The following KLHL3 variants were observed in gnomAD, a reference collection of about 807,000 sequenced individuals.
KLHL3 encodes kelch-like protein 3.
Under a neutral mutation model 70.5 loss-of-function variants are expected in KLHL3, and 19 were observed. The ratio of observed to expected loss-of-function variants is 0.27; its 90% CI spans 0.19 to 0.40. The LOEUF (loss-of-function observed/expected upper bound fraction) is 0.40. Among genes scored for constraint, KLHL3 ranks in the 10% least tolerant of loss-of-function variants. KLHL3 has a pLI of 1.00. For missense variants in KLHL3, 512 were observed against 771.1 expected (o/e 0.66, Z 3.98); for synonymous variants, 258 against 290.3 (o/e 0.89, Z 1.13).
At chr5:137,693,620 GA>G (rs1378099043) in intron 4 of KLHL3, among the ~76,000 whole-genome samples, 2 of 151,856 alleles carry the variant, frequency 1.3e-5, no homozygotes, top group Admixed American at 1.3e-4. Flanking sequence ...AAGAAATTTA[GA>G]AAAAAAATCA....
At chr5:137,623,689 A>G (rs1286488820) in intron 14 of KLHL3, among the ~76,000 whole-genome samples, 2 of 152,218 alleles carry the variant, frequency 1.3e-5, no homozygotes, top group African/African-American at 4.8e-5. Context: ...AATAATCACA[A>G]TCATTTACTG....
At chr5:137,654,619 G>A (rs1210166605) in intron 8 of KLHL3, among the ~76,000 whole-genome samples, 1 of 152,184 alleles carries the variant, frequency 6.6e-6, no homozygotes, top group Non-Finnish European at 1.5e-5. Context: ...AGTTTAAGAA[G>A]CACGTTAGAC....
chr5:137,672,237 G>A (rs1051529643), intron 6 of KLHL3, among the ~76,000 whole-genome samples: 3 of 152,110 alleles, frequency 2.0e-5, no homozygotes, highest in Non-Finnish European at 4.4e-5. Flanking sequence ...GCAATGCCTC[G>A]GCAGCAATCA....
intron 2 of KLHL3, among the ~76,000 whole-genome samples, chr5:137,719,397 G>T (rs1752955116): frequency 6.6e-6 from 1 of 152,232 alleles, no homozygotes; most frequent in Non-Finnish European, 1.5e-5. Context: ...TCTGCCTTCA[G>T]AGAGTTCATG....
rs1352822224 is a variant in KLHL3, at chr5:137,637,257, AGGTAGGCCT to A, written c.1321+28_1321+36del. ...GGACCCAGGACAAGGCCCGTGGGCC[AGGTAGGCCT>A]GGCCACTGGCCACTGCCGCCTCCTT... On this transcript the variant is annotated intron_variant, in intron 11 of 14. Transcript: ENST00000309755. 1.9e-6 allele frequency: 3 copies of A among 1,562,082 alleles called. No homozygotes were observed. In the South Asian group the frequency reaches 3.3e-5, roughly 17 times the overall value.
At chr5:137,655,817 T>A (rs1225350000) in intron 8 of KLHL3, among the ~76,000 whole-genome samples, 1 of 151,462 alleles carries the variant, frequency 6.6e-6, no homozygotes, top group Non-Finnish European at 1.5e-5. Context: ...AACCTGTCTC[T>A]ACAAAAAAAT....
intron 1 of KLHL3, among the ~76,000 whole-genome samples, chr5:137,732,381 A>C (rs1753192906): frequency 6.6e-6 from 1 of 151,562 alleles, no homozygotes; most frequent in Admixed American, 6.6e-5. Context: ...GCAAATTCAC[A>C]AGTTCTTCTT....
chr5:137,618,433 TAAGTG>T lies in KLHL3; in HGVS notation c.*3660_*3664del, dbSNP rs2149872576. The T allele has an allele frequency of 6.6e-6, 1 of 152,280 alleles. No individual in the cohort carries two copies. Among genetic ancestry groups the T allele is most frequent in the South Asian group, 2.1e-4 (1 of 4,824 alleles). 9.4% of individuals were successfully genotyped at this position (152,280 alleles called of 1,614,324 possible). A position where few individuals can be genotyped will look rare whatever the true frequency, so the allele number is the denominator to read the frequency against. On this transcript the variant is annotated 3_prime_UTR_variant, in exon 15 of 15. Transcript: ENST00000309755. ...GAGACATAGCTCAAGAAGCAAGTTGTAAGTGTAGTGTGAGCACCTGCAAAGCATAT... is the reference window on the plus strand; with the variant it reads ...GAGACATAGCTCAAGAAGCAAGTTGTTAGTGTGAGCACCTGCAAAGCATAT...
intron 5 of KLHL3, among the ~76,000 whole-genome samples, chr5:137,683,797 T>C (rs1038893013): frequency 6.8e-6 from 1 of 147,774 alleles, no homozygotes; most frequent in Non-Finnish European, 1.5e-5. Flanking sequence ...CACACACACA[T>C]GCACGCGCAC....
At chr5:137,677,264 T>C (rs1415072391) in intron 6 of KLHL3, among the ~76,000 whole-genome samples, 1 of 152,004 alleles carries the variant, frequency 6.6e-6, no homozygotes, top group Non-Finnish European at 1.5e-5. Flanking sequence ...CTGGTCAACA[T>C]GGTGAAACCC....
intron 3 of KLHL3, chr5:137,706,008 G>A (rs1752678088): frequency 1.0e-6 from 1 of 985,248 alleles, no homozygotes; most frequent in Non-Finnish European, 1.2e-6. Flanking sequence ...TCTTCTTATA[G>A]ACTGGTTGGA....
intron 10 of KLHL3, 53 bp from the exon 11 acceptor site, chr5:137,637,448 G>A: frequency 6.6e-7 from 1 of 1,521,646 alleles, no homozygotes. Flanking sequence ...TCACCCTGCT[G>A]TGTGAGAAGC....
Position 137,735,049 on chromosome 5 carries a change from T to C in KLHL3, c.14+584A>G, listed in dbSNP as rs541631241. 2.0e-5 allele frequency among the ~76,000 whole-genome samples: 3 copies of C among 152,334 alleles called. No homozygotes were observed. The South Asian group carries it at 6.2e-4, about 32-fold the overall frequency. On this transcript the variant is annotated intron_variant, in intron 1 of 14. Coordinates refer to ENST00000309755, the MANE Select transcript of KLHL3 (RefSeq NM_017415.3). ...ACTCATAAACTTTTCAATACAAATATGAAACTCAGTTCAGAGCAAGTATCA... is the reference window on the plus strand; with the variant it reads ...ACTCATAAACTTTTCAATACAAATACGAAACTCAGTTCAGAGCAAGTATCA...
intron 13 of KLHL3, 105 bp downstream of exon 13, chr5:137,628,192 G>C: frequency 7.2e-7 from 1 of 1,395,410 alleles, no homozygotes; most frequent in Non-Finnish European, 1.0e-6. Context: ...CAGGATATAC[G>C]CTCAGCTCCA....
chr5:137,650,111 T>C (rs1254104351), intron 8 of KLHL3, among the ~76,000 whole-genome samples: 1 of 152,224 alleles, frequency 6.6e-6, no homozygotes, highest in Non-Finnish European at 1.5e-5. Context: ...CCTTTGGTGA[T>C]GATGACCAGG....
intron 12 of KLHL3, chr5:137,628,724 GACAGACAGACATACATACATACAT>G (rs1338802635): frequency 4.7e-5 from 3 of 64,456 alleles, no homozygotes; most frequent in South Asian, 1.2e-3. Context: ...CACACACACA[GACAGACAGACATACATACATACAT>G]ACATACATAC....
chr5:137,646,945 G>A (rs186002123), intron 8 of KLHL3, among the ~76,000 whole-genome samples: 5 of 152,258 alleles, frequency 3.3e-5, no homozygotes, highest in Admixed American at 3.3e-4. Flanking sequence ...GCATACTTAG[G>A]AGTTTGGCAG....
intron 3 of KLHL3, 107 bp from the exon 4 acceptor site, chr5:137,698,515 G>T (rs1752497949): frequency 1.6e-6 from 2 of 1,266,428 alleles, no homozygotes; most frequent in African/African-American, 1.5e-5. Context: ...CACTTCCTGG[G>T]CTCCAGGAGG....
At chr5:137,662,216 C>T (rs1580741493) in intron 6 of KLHL3, among the ~76,000 whole-genome samples, 185 bp from the exon 7 acceptor site, 1 of 149,288 alleles carries the variant, frequency 6.7e-6, no homozygotes, top group Non-Finnish European at 1.5e-5. Flanking sequence ...TTGCTGGCCT[C>T]AGAGAGTGAT....
Sources: gnomAD v4.1 joint callset for allele counts (sites outside exome capture counted in the v4.1 genomes callset) on GRCh38, gnomAD v4.1.1 for gene constraint, MANE v1.5 for transcripts, NCBI Gene and HGNC (gene_info 2026-07-23, HGNC 2026-07-21) for gene names.